ANKRD30BL: variants seen among roughly 807,000 people sequenced by gnomAD.
The protein encoded by ANKRD30BL is putative ankyrin repeat domain-containing protein 30B-like.
A neutral mutation model predicts 18.4 loss-of-function variants in ANKRD30BL; 20 were observed. The ratio of observed to expected loss-of-function variants is 1.09; its 90% confidence interval spans 0.77 to 1.58. The LOEUF is 1.58. Ranked by LOEUF, ANKRD30BL falls within the 40% of genes most tolerant of loss-of-function variation. The pLI is 0.00. For synonymous variants in ANKRD30BL, 72 were observed against 100.9 expected, an observed-to-expected ratio of 0.71 and a Z score of 1.72; for missense variants, 224 against 268.6, an observed-to-expected ratio of 0.83 and a Z score of 1.16.
rs1462277063 is a variant in ANKRD30BL, at chr2:132,161,533, A to G, written c.173T>C (p.Met58Thr). 10 of 1,456,600 alleles carry G rather than the reference A, an allele frequency of 6.9e-6. No individual in the cohort carries two copies. The highest frequency in any genetic ancestry group is 2.4e-4 in the Middle Eastern group (1 of 4,218). 90.2% of individuals were successfully genotyped at this position (1,456,600 alleles called of 1,614,324 possible). The part of the protein sequence containing the change: ...RGQAWKLERM[M>T]KKTTMDLNIR... The stretch of plus-strand genomic sequence containing the variant: ...GTTCAGGTCCATTGTCGTCTTCTTC[A>G]TCATCCTCTCCAGCTTCCAGGCTTG... Residue 58 changes from methionine (M) to threonine (T), a missense_variant, in exon 1 of 6, where the codon ATG (methionine) becomes ACG (threonine). Met to Thr is a moderately conservative substitution (Grantham distance 81). This residue lies in a region of ANKRD30BL where 131 missense variants were observed against 128.8 expected (regional missense o/e 1.02). Transcript: ENST00000409867.
At chr2:132,186,142 G>T (rs376434154) in intron 1 of ANKRD30BL, among the ~76,000 whole-genome samples, 1 of 150,136 alleles carries the variant, frequency 6.7e-6, no homozygotes, top group Admixed American at 6.6e-5. Flanking sequence ...AAAAAAGAAA[G>T]AAAAATAAAA....
At chr2:132,192,323 A>G (rs1281110789) in intron 1 of ANKRD30BL, among the ~76,000 whole-genome samples, 1 of 152,108 alleles carries the variant, frequency 6.6e-6, no homozygotes, top group African/African-American at 2.4e-5. Flanking sequence ...ATCTTGCAGG[A>G]CCTGTATTCT....
intron 1 of ANKRD30BL, among the ~76,000 whole-genome samples, chr2:132,189,339 T>G: frequency 6.6e-6 from 1 of 152,232 alleles, no homozygotes; most frequent in Non-Finnish European, 1.5e-5. Context: ...CTTGGATAAT[T>G]GTGGTTTGCC....
chr2:132,162,470 A>C (rs1439017625), upstream of ANKRD30BL, among the ~76,000 whole-genome samples: 1 of 152,088 alleles, frequency 6.6e-6, no homozygotes, highest in Non-Finnish European at 1.5e-5. Flanking sequence ...TCGCGCTGGC[A>C]GCGCAGGCTT....
At chr2:132,221,074 C>T (rs1219370993) in intron 1 of ANKRD30BL, among the ~76,000 whole-genome samples, 80 of 145,126 alleles carry the variant, frequency 5.5e-4, no homozygotes, top group South Asian at 1.3e-3. Context: ...AGTGAGGAAA[C>T]CCTCTGCCTG....
upstream of ANKRD30BL, among the ~76,000 whole-genome samples, chr2:132,164,826 C>A (rs1361948770): frequency 2.0e-5 from 3 of 152,116 alleles, no homozygotes; most frequent in Non-Finnish European, 4.4e-5. Context: ...AATCCCAGCA[C>A]TTTGGGAGGC....
rs1157714491 is a variant in ANKRD30BL, at chr2:132,158,794, T to G, written c.219-1371A>C. Among the ~76,000 whole-genome samples, 7 of 150,842 alleles carry G rather than the reference T, an allele frequency of 4.6e-5. 1 individual carries two copies. Among genetic ancestry groups the G allele is most frequent in the African/African-American group, 1.7e-4 (7 of 41,336 alleles). On this transcript the variant is annotated intron_variant, in intron 1 of 5. Transcript: ENST00000409867. The stretch of plus-strand genomic sequence containing the variant: ...TAATTATTGACATATATGTAATAAA[T>G]CTATATATAATAAAAATATGTGTCT...
chr2:132,155,543 T>A (rs1227481221), intron 3 of ANKRD30BL: 1 of 152,150 alleles, frequency 6.6e-6, no homozygotes, highest in Non-Finnish European at 1.5e-5. Flanking sequence ...TTGCTTATTA[T>A]TAAATGGTCC....
chr2:132,169,033 A>G (rs1688233384), intron 1 of ANKRD30BL, among the ~76,000 whole-genome samples: 1 of 152,044 alleles, frequency 6.6e-6, no homozygotes, highest in South Asian at 2.1e-4. Context: ...TCTTCTCTGC[A>G]CCTGTATTCC....
chr2:132,228,652 C>T (rs1167426590), intron 1 of ANKRD30BL, among the ~76,000 whole-genome samples: 2 of 150,386 alleles, frequency 1.3e-5, no homozygotes, highest in East Asian at 3.9e-4. Flanking sequence ...GTGATGTGTG[C>T]TTACATCTCA....
Position 132,192,449 on chromosome 2 carries a change from T to C in ANKRD30BL, n.442-35303A>G, listed in dbSNP as rs371754815. Among the ~76,000 whole-genome samples the C allele has an allele frequency of 5.3e-5, 8 of 152,208 alleles. No homozygotes were observed. In the East Asian group the frequency reaches 1.3e-3, roughly 26 times the overall value. ...CCATGCCCTCCATAGCAGAGAATTA[T>C]ATGTTGGACCTAGGAGAGATGCTGT... On this transcript the variant is annotated intron_variant and non_coding_transcript_variant, in intron 1 of 4. Coordinates refer to the ANKRD30BL transcript ENST00000470729.
At chr2:132,202,272 C>T (rs1352823794) in intron 1 of ANKRD30BL, among the ~76,000 whole-genome samples, 1 of 151,486 alleles carries the variant, frequency 6.6e-6, no homozygotes. Flanking sequence ...GCACATGTAC[C>T]CTAAAACTTA....
chr2:132,148,732 A>G (rs887773742), intron 5 of ANKRD30BL, among the ~76,000 whole-genome samples: 2 of 152,154 alleles, frequency 1.3e-5, no homozygotes, highest in Non-Finnish European at 2.9e-5. Flanking sequence ...ACACATACTG[A>G]ATATGGTAAT....
Position 132,147,691 on chromosome 2 carries a change from C to T in ANKRD30BL, c.*440G>A, listed in dbSNP as rs1687639810. On this transcript the variant is annotated 3_prime_UTR_variant, in exon 6 of 6. Coordinates refer to ENST00000409867, the MANE Select transcript of ANKRD30BL (RefSeq NM_001358416.1). ...AAGGGAGGGGAAAGTGTTCTTATTT[C>T]TAACGCAGCTAGTCCCTACTGTTGT... The T allele has an allele frequency of 6.4e-6, 1 of 156,026 alleles. No individual in the cohort carries two copies. The highest frequency in any genetic ancestry group is 2.4e-5 in the African/African-American group (1 of 41,486). 9.7% of individuals were successfully genotyped at this position (156,026 alleles called of 1,614,324 possible).
chr2:132,208,106 T>A (rs6741350), intron 1 of ANKRD30BL, among the ~76,000 whole-genome samples: 6,649 of 152,170 alleles, frequency 0.044, 508 homozygotes, highest in African/African-American at 0.15. Flanking sequence ...CTCTCATAGA[T>A]ACCTGAGGCA....
chr2:132,162,842 G>T (rs572557856), upstream of ANKRD30BL, among the ~76,000 whole-genome samples: 1 of 152,254 alleles, frequency 6.6e-6, no homozygotes, highest in Non-Finnish European at 1.5e-5. Context: ...GTTCAGCGCC[G>T]CCTGGGCCCA....
chr2:132,201,095 T>G (rs1050551074), intron 1 of ANKRD30BL, among the ~76,000 whole-genome samples: 6 of 152,116 alleles, frequency 3.9e-5, no homozygotes, highest in Non-Finnish European at 7.3e-5. Context: ...TAGCCATATG[T>G]AGAAAGCTGA....
intron 1 of ANKRD30BL, among the ~76,000 whole-genome samples, chr2:132,222,278 G>A (rs1290484452): frequency 7.4e-5 from 11 of 148,510 alleles, no homozygotes; most frequent in Admixed American, 6.8e-5. Flanking sequence ...CTGCCCGGCC[G>A]CCCCTACTGG....
At chr2:132,181,169 AT>A (rs1688453904) in intron 1 of ANKRD30BL, among the ~76,000 whole-genome samples, 1 of 151,808 alleles carries the variant, frequency 6.6e-6, no homozygotes, top group African/African-American at 2.4e-5. Flanking sequence ...AATTAAAAAA[AT>A]ATTAAAATGA....
Sources: gnomAD v4.1 joint callset for allele counts (sites outside exome capture counted in the v4.1 genomes callset) on GRCh38, gnomAD v4.1.1 for gene constraint, gnomAD v4.1.1 regional missense constraint, MANE v1.5 for transcripts, NCBI Gene and HGNC (gene_info 2026-07-23, HGNC 2026-07-21) for gene names.